Variants in P2RX5 observed in about 807,000 individuals in gnomAD.
The protein encoded by P2RX5 is P2X purinoceptor 5.
In P2RX5, 46 loss-of-function variants were observed where a neutral mutation model predicts 54.1. The observed-to-expected ratio is 0.85, with a 90% CI of 0.67 to 1.09. The LOEUF (loss-of-function observed/expected upper bound fraction) is 1.09, where lower values mean the gene tolerates loss of function less well. Ranked by LOEUF, P2RX5 falls within the 50% of genes least tolerant of loss-of-function variation. The pLI is 0.00. For missense variants in P2RX5, 566 were observed against 549.8 expected (o/e 1.03, Z -0.29); for synonymous variants, 226 against 226.4 (o/e 1.00, Z 0.02).
chr17:3,699,879 AAGGAAGGAAGGAAGGAAGG>A (rs1419508222), upstream of P2RX5, among the ~76,000 whole-genome samples: 17 of 26,650 alleles, frequency 6.4e-4, no homozygotes, highest in South Asian at 2.4e-3. Context: ...GAAAGAAAGG[AAGGAAGGAAGGAAGGAAGG>A]AAGGAAGGAA....
intron 9 of P2RX5, among the ~76,000 whole-genome samples, chr17:3,684,840 T>TCC: frequency 3.3e-5 from 1 of 30,178 alleles, no homozygotes; most frequent in South Asian, 1.8e-3. Flanking sequence ...GCCCCCTTTT[T>TCC]TTTTTTTTTT....
At chr17:3,719,253 A>G in the P2RX5 span, among the ~76,000 whole-genome samples, 24,541 of 109,674 alleles carry the variant, frequency 0.22, 3,144 homozygotes, top group Admixed American at 0.3. Context: ...AAAAAAAAAA[A>G]AAAGAAAAGA....
intron 3 of P2RX5, 38 bp downstream of exon 3, chr17:3,690,918 C>G: frequency 6.4e-7 from 1 of 1,566,262 alleles, no homozygotes; most frequent in South Asian, 1.1e-5. Flanking sequence ...GCCGGTGGCT[C>G]TCCCACCCCC....
the P2RX5 span, among the ~76,000 whole-genome samples, chr17:3,707,649 A>AC: frequency 1.3e-5 from 2 of 149,900 alleles, no homozygotes; most frequent in Non-Finnish European, 3.0e-5. Context: ...ACTAGTCCAG[A>AC]CCCCCCTCTC....
the P2RX5 span, chr17:3,723,457 A>G: frequency 8.6e-7 from 1 of 1,167,646 alleles, no homozygotes; most frequent in Non-Finnish European, 1.3e-6. Context: ...CACTTCGGAC[A>G]CAGAGCATCG....
intron 1 of P2RX5, chr17:3,692,141 C>A (rs1429087771): frequency 3.2e-3 from 464 of 143,302 alleles, no homozygotes; most frequent in South Asian, 8.9e-3. Flanking sequence ...TGTCTCTACT[C>A]AAAAAAAAAA....
At chr17:3,682,367 G>A (rs762115964) in intron 9 of P2RX5, 6 of 349,612 alleles carry the variant, frequency 1.7e-5, no homozygotes, top group African/African-American at 4.3e-5. Flanking sequence ...CAGGCGTGTC[G>A]ATGACGACCC....
intron 11 of P2RX5, among the ~76,000 whole-genome samples, chr17:3,678,860 C>A (rs2050161965): frequency 6.6e-6 from 1 of 152,228 alleles, no homozygotes; most frequent in South Asian, 2.1e-4. Flanking sequence ...GCTCACCGCA[C>A]AGGTACTCTG....
the P2RX5 span, among the ~76,000 whole-genome samples, chr17:3,712,940 C>A: frequency 6.6e-6 from 1 of 152,064 alleles, no homozygotes; most frequent in Non-Finnish European, 1.5e-5. Flanking sequence ...GAGACTCCGT[C>A]TCCAAAAAAA....
chr17:3,714,588 A>T, the P2RX5 span: 1 of 333,438 alleles, frequency 3.0e-6, no homozygotes, highest in Admixed American at 4.8e-5. Context: ...ATGTACTGCA[A>T]ATCCTAAGTA....
the P2RX5 span, chr17:3,723,295 G>C: frequency 6.2e-7 from 1 of 1,608,960 alleles, no homozygotes; most frequent in South Asian, 1.1e-5. Context: ...CACCTCCTCA[G>C]AGTGATCCCA....
intron 11 of P2RX5, chr17:3,678,000 C>T (rs540312009): frequency 2.0e-6 from 2 of 985,454 alleles, no homozygotes; most frequent in South Asian, 4.7e-5. Context: ...GCACAGACTC[C>T]TCTACCCAGT....
At chr17:3,703,310 G>GA in the P2RX5 span, among the ~76,000 whole-genome samples, 4 of 152,072 alleles carry the variant, frequency 2.6e-5, no homozygotes, top group Admixed American at 6.5e-5. Context: ...TTAGAGACCA[G>GA]CGTGGACAAC....
chr17:3,717,523 A>AG, the P2RX5 span: 1 of 152,162 alleles, frequency 6.6e-6, no homozygotes, highest in African/African-American at 2.4e-5. Flanking sequence ...CCTGAGACCC[A>AG]GGTATGGCCC....
At chr17:3,713,656 A>G in the P2RX5 span, among the ~76,000 whole-genome samples, 6 of 151,894 alleles carry the variant, frequency 4.0e-5, no homozygotes, top group African/African-American at 1.2e-4. Flanking sequence ...AGGCTGAGGC[A>G]GGAGAATCGC....
At chr17:3,705,539 C>T in the P2RX5 span, among the ~76,000 whole-genome samples, 2 of 152,162 alleles carry the variant, frequency 1.3e-5, no homozygotes, top group Non-Finnish European at 2.9e-5. Flanking sequence ...AATGTCCACA[C>T]GATAGGATCT....
intron 11 of P2RX5, chr17:3,676,215 G>A (rs907487282): frequency 2.0e-6 from 2 of 985,314 alleles, no homozygotes; most frequent in Non-Finnish European, 2.4e-6. Context: ...ATACAACGGG[G>A]TAGGAGAAGA....
chr17:3,695,259 C>G (rs993415999), intron 1 of P2RX5, among the ~76,000 whole-genome samples: 23 of 152,196 alleles, frequency 1.5e-4, no homozygotes, highest in African/African-American at 5.1e-4. Context: ...CAGCTCCTGC[C>G]AGGTGGCATG....
upstream of P2RX5, chr17:3,696,158 G>GGGGGCGGGTC: frequency 1.4e-6 from 1 of 701,580 alleles, no homozygotes; most frequent in Non-Finnish European, 2.0e-6. Context: ...TGCGGGGCGC[G>GGGGGCGGGTC]GGGGCGGGTC....
Sources: allele counts gnomAD v4.1 joint callset (sites outside exome capture counted in the v4.1 genomes callset), GRCh38; gene constraint gnomAD v4.1.1; transcripts MANE v1.5; gene names NCBI Gene and HGNC (gene_info 2026-07-23, HGNC 2026-07-21).